Variants in CCDC171 observed in about 807,000 individuals in gnomAD.
The protein encoded by CCDC171 is coiled-coil domain-containing protein 171.
Under a neutral mutation model 168.2 loss-of-function variants are expected in CCDC171, and 177 were observed. That is an observed-to-expected ratio of 1.05 (90% CI 0.93 to 1.19). The LOEUF (loss-of-function observed/expected upper bound fraction) is 1.19, where lower values mean the gene tolerates loss of function less well. Ranked by LOEUF, CCDC171 falls within the 50% of genes most tolerant of loss-of-function variation. The probability of loss-of-function intolerance (pLI) is 0.00; values close to 1 mark genes in which losing one functional copy is unlikely to be tolerated. For missense variants in CCDC171, 1,991 were observed against 1,539.0 expected (o/e 1.29, Z -4.91); for synonymous variants, 687 against 540.8 (o/e 1.27, Z -3.75).
At chr9:15,661,216 G>A (rs1564159677) in intron 8 of CCDC171, among the ~76,000 whole-genome samples, 1 of 151,296 alleles carries the variant, frequency 6.6e-6, no homozygotes, top group African/African-American at 2.4e-5. Context: ...GGAGGTGGAG[G>A]CTGCAGTGAG....
intron 25 of CCDC171, among the ~76,000 whole-genome samples, chr9:15,927,654 T>A (rs1240489302): frequency 4.6e-5 from 7 of 151,722 alleles, no homozygotes; most frequent in Admixed American, 4.6e-4. Context: ...TTATGTCAGA[T>A]TTGATACTTG....
intron 24 of CCDC171, among the ~76,000 whole-genome samples, chr9:15,916,851 T>C (rs1824596963): frequency 6.6e-6 from 1 of 152,010 alleles, no homozygotes; most frequent in South Asian, 2.1e-4. Context: ...AGAAACTGTC[T>C]TTTGTTCTTC....
chr9:15,720,558 A>G (rs1220016230), intron 11 of CCDC171, among the ~76,000 whole-genome samples: 6 of 152,204 alleles, frequency 3.9e-5, no homozygotes, highest in African/African-American at 1.4e-4. Flanking sequence ...ATATTGAAAT[A>G]TTTATATTAT....
At chr9:15,578,303 C>T (rs2131223050) in intron 3 of CCDC171, among the ~76,000 whole-genome samples, 1 of 150,028 alleles carries the variant, frequency 6.7e-6, no homozygotes, top group African/African-American at 2.4e-5. Flanking sequence ...GGCATGGTCT[C>T]TGCTCACTGC....
At chr9:16,091,667 G>T in the CCDC171 span, among the ~76,000 whole-genome samples, 2 of 152,160 alleles carry the variant, frequency 1.3e-5, no homozygotes, top group Admixed American at 6.5e-5. Context: ...TGTGAGCTGG[G>T]AATACCTGCA....
chr9:15,906,518 T>C (rs1822636896), intron 24 of CCDC171, among the ~76,000 whole-genome samples: 1 of 152,200 alleles, frequency 6.6e-6, no homozygotes, highest in Admixed American at 6.5e-5. Context: ...TGATGGGACT[T>C]ATCTCAACAT....
intron 22 of CCDC171, among the ~76,000 whole-genome samples, chr9:15,847,327 A>G (rs978087815): frequency 2.6e-5 from 4 of 152,094 alleles, no homozygotes; most frequent in African/African-American, 9.7e-5. Flanking sequence ...AATAAAACAT[A>G]TTGACCATGG....
intron 25 of CCDC171, among the ~76,000 whole-genome samples, chr9:15,930,124 G>A (rs1826336870): frequency 6.6e-6 from 1 of 151,554 alleles, no homozygotes; most frequent in Non-Finnish European, 1.5e-5. Flanking sequence ...TTTAATAAAT[G>A]CTGCTTGATT....
chr9:16,102,163 A>G, the CCDC171 span, among the ~76,000 whole-genome samples: 2 of 152,164 alleles, frequency 1.3e-5, no homozygotes, highest in Non-Finnish European at 2.9e-5. Flanking sequence ...AAACAGATGC[A>G]CTGGACTAAC....
At chr9:15,566,418 G>GCC (rs2039731678) in intron 2 of CCDC171, among the ~76,000 whole-genome samples, 1 of 152,098 alleles carries the variant, frequency 6.6e-6, no homozygotes, top group Non-Finnish European at 1.5e-5. Flanking sequence ...AATTAGCCAG[G>GCC]CGTGGTGGTG....
At chr9:15,875,544 A>G (rs1817727817) in intron 24 of CCDC171, 1 of 151,980 alleles carries the variant, frequency 6.6e-6, no homozygotes, top group African/African-American at 2.4e-5. Context: ...CTTGTTCAAT[A>G]GCACTCTATT....
intron 7 of CCDC171, among the ~76,000 whole-genome samples, chr9:15,634,006 C>G (rs915932686): frequency 6.6e-6 from 1 of 151,082 alleles, no homozygotes; most frequent in African/African-American, 2.4e-5. Flanking sequence ...AGGGGAACAT[C>G]ACACTCTGGG....
rs562833443 is a variant in CCDC171, at chr9:15,821,411, A to G, written c.3268-25291A>G. 1.0e-4 allele frequency among the ~76,000 whole-genome samples: 12 copies of G among 117,666 alleles called. 3 individuals carry two copies. The highest frequency in any genetic ancestry group is 2.4e-4 in the Admixed American group (3 of 12,398). 77.2% of individuals were successfully genotyped at this position (117,666 alleles called of 152,430 possible). ...GACGTCAAATTGTCCCTGTTTGCAG[A>G]TCACATGATTGTATATCTAGAAAAC... is the stretch of plus-strand genomic sequence containing the variant. On this transcript the variant is annotated intron_variant, in intron 21 of 25. Coordinates refer to ENST00000380701, the MANE Select transcript of CCDC171 (RefSeq NM_173550.4).
chr9:16,098,630 CAG>C, the CCDC171 span, among the ~76,000 whole-genome samples: 2 of 152,158 alleles, frequency 1.3e-5, no homozygotes, highest in East Asian at 3.8e-4. Flanking sequence ...CCTTAGAACA[CAG>C]AATTACAAGG....
chr9:16,032,227 T>C (rs10756736), intron 6 of CCDC171, among the ~76,000 whole-genome samples: 56,345 of 152,000 alleles, frequency 0.37, 12,287 homozygotes, highest in East Asian at 0.63. Flanking sequence ...GGAATGAGCA[T>C]GCTGGCAGAG....
intron 1 of CCDC171, among the ~76,000 whole-genome samples, chr9:16,058,911 C>T (rs960066710): frequency 1.3e-5 from 2 of 152,190 alleles, no homozygotes; most frequent in Admixed American, 6.5e-5. Context: ...GTTGTAGACT[C>T]AATACTTTCT....
At position 15,816,679 on chromosome 9, in the gene CCDC171, G is replaced by A. The variant is rs1370091261; in HGVS notation, c.3268-30023G>A. Among the ~76,000 whole-genome samples the A allele has an allele frequency of 3.4e-5, 4 of 117,910 alleles. 1 individual carries two copies. The highest frequency in any genetic ancestry group is 7.6e-5 in the Non-Finnish European group (4 of 52,430). The allele number at this position is 117,910 out of a possible 152,430, so 77.4% of individuals were successfully genotyped here. Reference sequence around the variant, plus strand: ...ATGTACTTGCATTTTGAATGTTAACGCTTATGTAATTTTCTAATGGATCAG... The same window carrying A: ...ATGTACTTGCATTTTGAATGTTAACACTTATGTAATTTTCTAATGGATCAG... On this transcript the variant is annotated intron_variant, in intron 21 of 25. Coordinates refer to ENST00000380701, the MANE Select transcript of CCDC171 (RefSeq NM_173550.4).
At chr9:16,103,888 C>T in the CCDC171 span, among the ~76,000 whole-genome samples, 4 of 152,112 alleles carry the variant, frequency 2.6e-5, no homozygotes, top group Non-Finnish European at 4.4e-5. Flanking sequence ...AACTGGAGGT[C>T]GTCCAGAGGA....
intron 16 of CCDC171, among the ~76,000 whole-genome samples, chr9:15,731,216 C>G (rs1333172791): frequency 6.6e-6 from 1 of 152,026 alleles, no homozygotes; most frequent in South Asian, 2.1e-4. Flanking sequence ...TCTCTCCATC[C>G]CTTTCCTCCC....
Sources: gnomAD v4.1 joint callset for allele counts (sites outside exome capture counted in the v4.1 genomes callset) on GRCh38, gnomAD v4.1.1 for gene constraint, MANE v1.5 for transcripts, NCBI Gene and HGNC (gene_info 2026-07-23, HGNC 2026-07-21) for gene names.